The following PPP4R4 variants were observed in gnomAD, a reference collection of about 807,000 sequenced individuals.
PPP4R4 encodes protein phosphatase 4 regulatory subunit 4, also known as serine/threonine-protein phosphatase 4 regulatory subunit 4.
Under a neutral mutation model 121.8 loss-of-function variants are expected in PPP4R4, and 70 were observed. The ratio of observed to expected loss-of-function variants is 0.57; its 90% CI spans 0.47 to 0.70. The LOEUF (loss-of-function observed/expected upper bound fraction) is 0.70. PPP4R4 is among the 30% of genes least tolerant of loss of function. PPP4R4 has a pLI of 0.00. For missense variants in PPP4R4, 875 were observed against 1,033.6 expected (o/e 0.85, Z 2.10); for synonymous variants, 348 against 355.7 (o/e 0.98, Z 0.24).
chr14:94,270,384 C>T (rs754599947), intron 23 of PPP4R4, among the ~76,000 whole-genome samples: 1 of 151,950 alleles, frequency 6.6e-6, no homozygotes, highest in Non-Finnish European at 1.5e-5. Context: ...TAAGCTGATT[C>T]TAAAAATCTG....
intron 23 of PPP4R4, among the ~76,000 whole-genome samples, chr14:94,269,373 T>A (rs751007523): frequency 1.3e-5 from 2 of 151,990 alleles, no homozygotes; most frequent in Non-Finnish European, 2.9e-5. Flanking sequence ...AATGGAGTAG[T>A]GTTACATAAA....
intron 1 of PPP4R4, 156 bp from the exon 2 acceptor site, chr14:94,175,898 C>T (rs1731677559): frequency 1.6e-6 from 1 of 635,416 alleles, no homozygotes; most frequent in South Asian, 1.9e-5. Flanking sequence ...TGATTGATGT[C>T]GCCTGGTATC....
rs761487562 is a variant in PPP4R4 at position 94,208,574 on chromosome 14, G to C, written c.294+8G>C. 1.9e-6 allele frequency: 3 copies of C among 1,588,176 alleles called. No homozygotes were observed. The South Asian group carries it at 3.4e-5, about 18-fold the overall frequency. On this transcript the variant is annotated splice_region_variant and intron_variant, in intron 3 of 24. Transcript: ENST00000304338. Reference sequence around the variant, plus strand: ...GTGTTGCCAAAAGTCAGAGTAAGTTGGTATGAAATAAGATTGGAGTTTCCC... The same window carrying C: ...GTGTTGCCAAAAGTCAGAGTAAGTTCGTATGAAATAAGATTGGAGTTTCCC...
Position 94,240,703 on chromosome 14 carries a change from T to C in PPP4R4, c.884T>C (p.Val295Ala), listed in dbSNP as rs1340604052. 1 of 1,605,502 alleles carries C rather than the reference T, an allele frequency of 6.2e-7. No individual in the cohort carries two copies. Among genetic ancestry groups the C allele is most frequent in the Non-Finnish European group, 8.5e-7 (1 of 1,177,490 alleles). ...AGAAGTCAAACTATACTTCCCTTAGTGAAATCATTTTGTGAAAAATCTTTC... is the reference window on the plus strand; with the variant it reads ...AGAAGTCAAACTATACTTCCCTTAGCGAAATCATTTTGTGAAAAATCTTTC... Reference protein sequence around the residue: ...DDRSQTILPLVKSFCEKSFKA... With the variant: ...DDRSQTILPLAKSFCEKSFKA... The change falls in exon 9 of 25, where the codon GTG becomes GCG. Residue 295 changes from valine to alanine, a missense_variant. Physicochemically the swap from Val to Ala is moderately conservative, Grantham distance 64. Coordinates refer to ENST00000304338, the MANE Select transcript of PPP4R4 (RefSeq NM_058237.2).
chr14:94,239,061 T>C (rs921017351), intron 8 of PPP4R4, among the ~76,000 whole-genome samples: 2 of 152,100 alleles, frequency 1.3e-5, no homozygotes, highest in African/African-American at 4.8e-5. Context: ...TCTTTCCCAC[T>C]CCTCTTGTGT....
chr14:94,277,170 A>G (rs58197208), intron 24 of PPP4R4, among the ~76,000 whole-genome samples: 35,881 of 152,042 alleles, frequency 0.24, 5,085 homozygotes, highest in East Asian at 0.59. Flanking sequence ...CTGTGGTGGC[A>G]TGTGCCTGTA....
At chr14:94,180,168 A>T (rs576140788) in intron 2 of PPP4R4, among the ~76,000 whole-genome samples, 1 of 152,058 alleles carries the variant, frequency 6.6e-6, no homozygotes, top group African/African-American at 2.4e-5. Context: ...CCCTTTCCCT[A>T]CTTCCTTGCT....
intron 22 of PPP4R4, among the ~76,000 whole-genome samples, chr14:94,266,378 T>C (rs115946151): frequency 0.012 from 1,809 of 152,224 alleles, 42 homozygotes; most frequent in African/African-American, 0.041. Context: ...TTACAAGCAG[T>C]TAAGATTAGG....
At chr14:94,174,636 C>G in intron 1 of PPP4R4, 54 bp downstream of exon 1, 2 of 1,592,926 alleles carry the variant, frequency 1.3e-6, no homozygotes, top group Non-Finnish European at 8.6e-7. Flanking sequence ...CTGCCCCGCG[C>G]GGTCCCGCGC....
Position 94,266,969 on chromosome 14 carries a change from A to T in PPP4R4, c.2389A>T (p.Thr797Ser). Reference protein sequence around the residue: ...NLEKCASKSSTTGYTTSVSGL... With the variant: ...NLEKCASKSSSTGYTTSVSGL... ...CATGTTGTTTTCTAGTAAAAGTTCT[A>T]CAACAGGATATACAACTTCTGTCTC... The change falls in exon 23 of 25, where the codon ACA (threonine) becomes TCA (serine). Residue 797 changes from threonine to serine, a missense_variant. Transcript: ENST00000304338. 1 of 1,582,902 alleles carries T rather than the reference A, an allele frequency of 6.3e-7. No individual in the cohort carries two copies.
At chr14:94,265,694 T>A in intron 21 of PPP4R4, 100 bp from the exon 22 acceptor site, 3 of 939,224 alleles carry the variant, frequency 3.2e-6, no homozygotes, top group Non-Finnish European at 1.6e-6. Context: ...TAAAGCCATC[T>A]GTGTTTTACT....
chr14:94,269,621 C>T (rs1894219463), intron 23 of PPP4R4, among the ~76,000 whole-genome samples: 2 of 150,722 alleles, frequency 1.3e-5, no homozygotes, highest in Non-Finnish European at 2.9e-5. Context: ...GCAGAGCTTG[C>T]AGTGAGCCGG....
chr14:94,209,687 TACTA>T (rs1379744381), intron 3 of PPP4R4, among the ~76,000 whole-genome samples: 2 of 152,096 alleles, frequency 1.3e-5, no homozygotes, highest in Non-Finnish European at 2.9e-5. Context: ...ATTTCAGTGA[TACTA>T]ACTGACCTAC....
In PPP4R4 at chr14:94,250,253, G is replaced by C. The variant is rs1237615413; in HGVS notation, c.1693G>C (p.Glu565Gln). The C allele has an allele frequency of 1.2e-6, 2 of 1,607,910 alleles. No homozygotes were observed. Among genetic ancestry groups the C allele is most frequent in the South Asian group, 2.2e-5 (2 of 90,844 alleles). Residue 565 changes from glutamate to glutamine, a missense_variant, in exon 15 of 25, where the codon GAG becomes CAG. By Grantham distance (29) the Glu-to-Gln change is conservative. Coordinates refer to ENST00000304338, the MANE Select transcript of PPP4R4 (RefSeq NM_058237.2). Reference sequence around the variant, plus strand: ...TAATCGTAAACAAGAACAGAGACATGAGGTCATTCAAAAATTAATTGAACG... The same window carrying C: ...TAATCGTAAACAAGAACAGAGACATCAGGTCATTCAAAAATTAATTGAACG... Reference protein sequence around the residue: ...RYNRKQEQRHEVIQKLIEQLG... With the variant: ...RYNRKQEQRHQVIQKLIEQLG...
chr14:94,260,491 G>A (rs1893727417), intron 19 of PPP4R4, among the ~76,000 whole-genome samples: 1 of 151,856 alleles, frequency 6.6e-6, no homozygotes, highest in Admixed American at 6.6e-5. Context: ...CATCTACATT[G>A]TCTATGCTGG....
intron 2 of PPP4R4, among the ~76,000 whole-genome samples, chr14:94,201,525 T>C (rs1302790754): frequency 6.6e-6 from 1 of 152,210 alleles, no homozygotes; most frequent in East Asian, 1.9e-4. Context: ...TATTTAGGAT[T>C]GTGATATTTC....
chr14:94,265,857 C>G lies in PPP4R4; in HGVS notation c.2348C>G (p.Ala783Gly). 13 of 1,604,688 alleles carry G rather than the reference C, an allele frequency of 8.1e-6. No homozygotes were observed. The highest frequency in any genetic ancestry group is 1.1e-5 in the Non-Finnish European group (13 of 1,172,846). Residue 783 changes from alanine (A) to glycine (G), a missense_variant, in exon 22 of 25, where the codon GCA (alanine) becomes GGA (glycine). By Grantham distance (60) the Ala-to-Gly change is moderately conservative (BLOSUM62 0). Coordinates refer to ENST00000304338, the MANE Select transcript of PPP4R4 (RefSeq NM_058237.2). ...SQSFNNQAFH[A>G]KYGNLEKCAS... ...TCTTTTAATAATCAAGCTTTTCATG[C>G]AAAATATGGCAACTTAGAGAAATGT... is the stretch of plus-strand genomic sequence containing the variant.
At chr14:94,210,414 A>T (rs954213271) in intron 3 of PPP4R4, among the ~76,000 whole-genome samples, 2 of 151,874 alleles carry the variant, frequency 1.3e-5, no homozygotes, top group Non-Finnish European at 2.9e-5. Flanking sequence ...GTTTTAGAAG[A>T]TATGGTTTTA....
At chr14:94,210,525 A>G (rs1233917062) in intron 3 of PPP4R4, among the ~76,000 whole-genome samples, 4 of 152,040 alleles carry the variant, frequency 2.6e-5, no homozygotes, top group African/African-American at 9.7e-5. Flanking sequence ...TACTAAGGAA[A>G]CCTTTATTTA....
Sources: allele counts gnomAD v4.1 joint callset (sites outside exome capture counted in the v4.1 genomes callset), GRCh38; gene constraint gnomAD v4.1.1; transcripts MANE v1.5; gene names NCBI Gene and HGNC (gene_info 2026-07-23, HGNC 2026-07-21).